The following TNFRSF19 variants were observed in gnomAD, a reference collection of about 807,000 sequenced individuals.
The protein encoded by TNFRSF19 is TNF receptor superfamily member 19, also known as tumor necrosis factor receptor superfamily member 19.
In TNFRSF19, 27 loss-of-function variants were observed where a neutral mutation model predicts 46.4. That is an observed-to-expected ratio of 0.58 (90% CI 0.43 to 0.80). The LOEUF (loss-of-function observed/expected upper bound fraction) is 0.80, where lower values mean the gene tolerates loss of function less well. Among genes scored for constraint, TNFRSF19 ranks in the 30% least tolerant of loss-of-function variants. The pLI is 0.00. For synonymous variants in TNFRSF19, 204 were observed against 205.0 expected (o/e 1.00, Z 0.04); for missense variants, 511 against 530.8 (o/e 0.96, Z 0.37).
intron 2 of TNFRSF19, among the ~76,000 whole-genome samples, chr13:23,591,502 A>AG (rs1879284915): frequency 6.6e-6 from 1 of 151,996 alleles, no homozygotes; most frequent in East Asian, 1.9e-4. Context: ...ATAAAGACAA[A>AG]GTGGGATTCA....
At chr13:23,571,867 G>T (rs1361723651) in intron 1 of TNFRSF19, among the ~76,000 whole-genome samples, 1 of 150,858 alleles carries the variant, frequency 6.6e-6, no homozygotes, top group Non-Finnish European at 1.5e-5. Context: ...TACTTTGTTC[G>T]CGATGTTTTT....
At chr13:23,640,191 G>A (rs1882950162) in intron 5 of TNFRSF19, among the ~76,000 whole-genome samples, 2 of 151,852 alleles carry the variant, frequency 1.3e-5, no homozygotes, top group South Asian at 4.2e-4. Context: ...GGTTCGCAAT[G>A]GAAAATAATG....
Position 23,638,273 on chromosome 13 carries a change from A to G in TNFRSF19, c.445+11481A>G, listed in dbSNP as rs77936861. ...TGTAGGTAATCTGCTGCCATTGTGC[A>G]GCTTTTAATTGTTTTCAATGTTAAT... On this transcript the variant is annotated intron_variant, in intron 5 of 9. Transcript: ENST00000248484. Among the ~76,000 whole-genome samples, 1,290 of 152,306 alleles carry G rather than the reference A, an allele frequency of 8.5e-3. 103 individuals carry two copies. The East Asian group carries it at 0.19, about 22-fold the overall frequency.
rs182148267 is a variant in TNFRSF19, at chr13:23,572,269, C to G, written c.-35+1421C>G. Among the ~76,000 whole-genome samples, 418 of 150,838 alleles carry G rather than the reference C, an allele frequency of 2.8e-3. 1 individual carries two copies. The highest frequency in any genetic ancestry group is 4.7e-3 in the Non-Finnish European group (321 of 67,594). On this transcript the variant is annotated intron_variant, in intron 1 of 9. Transcript: ENST00000248484. ...TTAGTCATGCCAGGAGAGGCATTTG[C>G]TTTTTTTTTCTAAGAGTACAACAAA... is the stretch of plus-strand genomic sequence containing the variant.
intron 5 of TNFRSF19, among the ~76,000 whole-genome samples, chr13:23,637,715 G>A (rs1055263065): frequency 4.1e-4 from 63 of 152,344 alleles, no homozygotes; most frequent in African/African-American, 1.4e-3. Flanking sequence ...CATCATCTGA[G>A]AATAATTTCA....
Position 23,637,550 on chromosome 13 carries a change from AC to A in TNFRSF19, c.445+10760del, listed in dbSNP as rs1380123094. Among the ~76,000 whole-genome samples, 2 of 152,202 alleles carry A rather than the reference AC, an allele frequency of 1.3e-5. 1 individual carries two copies. Among genetic ancestry groups the A allele is most frequent in the Non-Finnish European group, 2.9e-5 (2 of 68,036 alleles). On this transcript the variant is annotated intron_variant, in intron 5 of 9. Transcript: ENST00000248484. ...AATGTAAAATTATAAGTGAATTAAT[AC>A]CGGTATCAATTCTGCTGGCATAGAG...
At chr13:23,602,092 A>G (rs1880201032) in intron 3 of TNFRSF19, among the ~76,000 whole-genome samples, 1 of 152,140 alleles carries the variant, frequency 6.6e-6, no homozygotes, top group South Asian at 2.1e-4. Context: ...GAGCAGGTCA[A>G]AAAACAAGAT....
rs148005404 is a variant in TNFRSF19, at chr13:23,584,839, A to G, written c.-34-5311A>G. ...GCACACCTTTGTGAGTTCCTAGGCT[A>G]CAAAGAGATCTGCCAACTCTACTAT... On this transcript the variant is annotated intron_variant, in intron 1 of 9. Transcript: ENST00000248484. 8.9e-3 allele frequency among the ~76,000 whole-genome samples: 1,352 copies of G among 152,350 alleles called. 8 individuals are homozygous for G. The highest frequency in any genetic ancestry group is 0.015 in the Non-Finnish European group (994 of 68,026).
intron 5 of TNFRSF19, among the ~76,000 whole-genome samples, chr13:23,633,373 C>T (rs1882474518): frequency 6.6e-6 from 1 of 152,178 alleles, no homozygotes. Context: ...CAGGCATGAG[C>T]CACCACACCT....
At chr13:23,608,783 A>G (rs1004850386) in intron 3 of TNFRSF19, among the ~76,000 whole-genome samples, 7 of 152,246 alleles carry the variant, frequency 4.6e-5, no homozygotes, top group Non-Finnish European at 1.0e-4. Flanking sequence ...ACTTTCTTCC[A>G]GTAATTCTGG....
At chr13:23,579,906 T>TC (rs1878277425) in intron 1 of TNFRSF19, among the ~76,000 whole-genome samples, 1 of 151,756 alleles carries the variant, frequency 6.6e-6, no homozygotes. Flanking sequence ...CCCGCCCGCG[T>TC]CCTGCGGAGG....
At chr13:23,571,706 A>G (rs1877642109) in intron 1 of TNFRSF19, among the ~76,000 whole-genome samples, 1 of 152,166 alleles carries the variant, frequency 6.6e-6, no homozygotes, top group African/African-American at 2.4e-5. Flanking sequence ...CCAACATGAC[A>G]AAACCAAATT....
intron 7 of TNFRSF19, among the ~76,000 whole-genome samples, chr13:23,661,659 A>G (rs1377961823): frequency 6.6e-6 from 1 of 152,246 alleles, no homozygotes; most frequent in African/African-American, 2.4e-5. Context: ...ACTTCCACCA[A>G]CAGTGTGTAA....
intron 7 of TNFRSF19, among the ~76,000 whole-genome samples, chr13:23,667,324 T>C (rs756596034): frequency 2.6e-5 from 4 of 152,200 alleles, no homozygotes; most frequent in African/African-American, 4.8e-5. Context: ...ATTCAGCTTG[T>C]AAAGCTGTGT....
intron 2 of TNFRSF19, among the ~76,000 whole-genome samples, chr13:23,591,207 C>G (rs1005336712): frequency 6.6e-6 from 1 of 152,152 alleles, no homozygotes; most frequent in Non-Finnish European, 1.5e-5. Flanking sequence ...AATCCCAGCA[C>G]TTTGGGAGGC....
chr13:23,641,178 T>G (rs1483364649), intron 5 of TNFRSF19, among the ~76,000 whole-genome samples: 1 of 152,242 alleles, frequency 6.6e-6, no homozygotes, highest in Non-Finnish European at 1.5e-5. Flanking sequence ...ATCTTCTAAA[T>G]TCAGATCTTG....
chr13:23,636,528 T>C (rs537565768), intron 5 of TNFRSF19, among the ~76,000 whole-genome samples: 1 of 152,330 alleles, frequency 6.6e-6, no homozygotes, highest in Admixed American at 6.5e-5. Flanking sequence ...GGGGCTGCCC[T>C]GGTGAAAACC....
At chr13:23,576,340 C>T (rs1323848173) in intron 1 of TNFRSF19, among the ~76,000 whole-genome samples, 4 of 152,092 alleles carry the variant, frequency 2.6e-5, no homozygotes, top group African/African-American at 9.7e-5. Flanking sequence ...GCCATGTTAG[C>T]CAGGCTGGTC....
intron 3 of TNFRSF19, among the ~76,000 whole-genome samples, chr13:23,608,164 A>G (rs1485759619): frequency 6.6e-6 from 1 of 152,178 alleles, no homozygotes; most frequent in Non-Finnish European, 1.5e-5. Context: ...CTCCAGGTCC[A>G]CCGATACTGT....
Sources: allele counts gnomAD v4.1 joint callset (sites outside exome capture counted in the v4.1 genomes callset), GRCh38; gene constraint gnomAD v4.1.1; transcripts MANE v1.5; gene names NCBI Gene and HGNC (gene_info 2026-07-23, HGNC 2026-07-21).